USP26: variants seen among roughly 807,000 people sequenced by gnomAD.
USP26 encodes the protein ubiquitin specific peptidase 26.
For missense variants in USP26, 649 were observed against 642.3 expected, an observed-to-expected ratio of 1.01 and a Z score of -0.11; for synonymous variants, 236 against 240.6, an observed-to-expected ratio of 0.98 and a Z score of 0.18.
At chrX:133,088,742 T>C (rs1569511155) in intron 4 of USP26, among the ~76,000 whole-genome samples, 1 of 112,062 alleles carries the variant, frequency 8.9e-6, no homozygotes, top group Non-Finnish European at 1.9e-5. Context: ...TAAATGCCAA[T>C]ACTTAGAGAA....
At chrX:133,095,640 G>A (rs908048946) in intron 1 of USP26, among the ~76,000 whole-genome samples, 5 of 111,750 alleles carry the variant, frequency 4.5e-5, no homozygotes, top group African/African-American at 1.3e-4. Context: ...TCGCTCTGTC[G>A]CCTAGGCTGC....
chrX:133,087,431 G>T (rs1205769342), intron 4 of USP26, among the ~76,000 whole-genome samples: 1 of 112,291 alleles, frequency 8.9e-6, no homozygotes, highest in African/African-American at 3.2e-5. Context: ...GTAAGAGCTG[G>T]CTCATATGAG....
intron 5 of USP26, among the ~76,000 whole-genome samples, chrX:133,063,360 A>G (rs2067500130): frequency 9.0e-6 from 1 of 111,433 alleles, no homozygotes; most frequent in African/African-American, 3.3e-5. Context: ...CAACGTTCAA[A>G]TTCAGGAAAT....
intron 1 of USP26, among the ~76,000 whole-genome samples, chrX:133,094,662 A>C (rs1355647922): frequency 8.9e-6 from 1 of 111,957 alleles, no homozygotes; most frequent in East Asian, 2.8e-4. Flanking sequence ...GAATACATTG[A>C]ACCTCAACAC....
At chrX:133,046,109 C>A (rs1043330854) in intron 5 of USP26, among the ~76,000 whole-genome samples, 1 of 111,645 alleles carries the variant, frequency 9.0e-6, no homozygotes, top group Non-Finnish European at 1.9e-5. Context: ...AAAAGCCTTG[C>A]AGAGATACTA....
intron 5 of USP26, among the ~76,000 whole-genome samples, chrX:133,035,551 A>G (rs1423224994): frequency 2.7e-5 from 3 of 111,960 alleles, no homozygotes; most frequent in Non-Finnish European, 5.6e-5. Flanking sequence ...CTAAATAAAA[A>G]TGTTTTGTCC....
At chrX:133,062,868 A>G (rs2067498180) in intron 5 of USP26, among the ~76,000 whole-genome samples, 1 of 111,605 alleles carries the variant, frequency 9.0e-6, no homozygotes, top group Non-Finnish European at 1.9e-5. Flanking sequence ...AAAACTGGAT[A>G]GAGAAAGAGT....
chrX:133,094,630 T>C (rs1304371909), intron 1 of USP26, among the ~76,000 whole-genome samples: 1 of 111,435 alleles, frequency 9.0e-6, no homozygotes, highest in African/African-American at 3.3e-5. Context: ...AGGAAACGTA[T>C]GCAAAAAACT....
At chrX:133,051,860 A>G (rs1435841513) in intron 5 of USP26, among the ~76,000 whole-genome samples, 1 of 112,471 alleles carries the variant, frequency 8.9e-6, no homozygotes, top group Non-Finnish European at 1.9e-5. Flanking sequence ...ATAGGGAAGA[A>G]GCCTTAAATA....
At chrX:133,066,805 T>G in intron 5 of USP26, among the ~76,000 whole-genome samples, 1 of 111,512 alleles carries the variant, frequency 9.0e-6, no homozygotes, top group Non-Finnish European at 1.9e-5. Flanking sequence ...ACCCAGGACA[T>G]AGGGATGGGC....
rs2067344362 is a variant in USP26 at position 133,025,850 on chromosome X, G to A, written c.2371C>T (p.Leu791=). ...TTTCTTGGATTCTTATTGGAACCCA[G>A]TGCAAGTAGGGAATTCCTGTTAGAC... ...QKSNRNSLLA[L]GSNKNPRNKD... The change falls in exon 6 of 6, where the codon CTG becomes TTG. Residue 791 remains leucine (L), a synonymous_variant. Transcript: ENST00000511190. The A allele has an allele frequency of 8.3e-7, 1 of 1,210,230 alleles. No individual in the cohort carries two copies. Among genetic ancestry groups the A allele is most frequent in the African/African-American group, 1.7e-5 (1 of 57,675 alleles).
intron 5 of USP26, among the ~76,000 whole-genome samples, chrX:133,043,800 C>G (rs1029098340): frequency 1.8e-5 from 2 of 111,723 alleles, no homozygotes; most frequent in African/African-American, 6.5e-5. Flanking sequence ...CCTAGCTACT[C>G]AGGAGGCTGA....
intron 5 of USP26, among the ~76,000 whole-genome samples, chrX:133,066,363 C>T (rs1272858569): frequency 9.0e-6 from 1 of 111,416 alleles, no homozygotes; most frequent in Non-Finnish European, 1.9e-5. Flanking sequence ...CACAGAACTA[C>T]AAAAAACTAC....
chrX:133,057,991 C>CT (rs1366195748), intron 5 of USP26, among the ~76,000 whole-genome samples: 1 of 93,608 alleles, frequency 1.1e-5, no homozygotes, highest in Non-Finnish European at 2.1e-5. Flanking sequence ...TGTTCTCCTG[C>CT]TTCAGCCTCC....
At chrX:133,040,416 T>C (rs112922901) in intron 5 of USP26, among the ~76,000 whole-genome samples, 144 of 111,678 alleles carry the variant, frequency 1.3e-3, no homozygotes, top group Non-Finnish European at 2.5e-3. Context: ...CATTTGCTTG[T>C]CTGGAAAGGA....
At chrX:133,040,331 G>A (rs1372087764) in intron 5 of USP26, among the ~76,000 whole-genome samples, 2 of 111,418 alleles carry the variant, frequency 1.8e-5, no homozygotes, top group East Asian at 2.8e-4. Flanking sequence ...GGCTGGTACC[G>A]GTTTTTCCTT....
chrX:133,096,222 T>C (rs1230370913), intron 1 of USP26, among the ~76,000 whole-genome samples: 2 of 108,632 alleles, frequency 1.8e-5, no homozygotes, highest in Non-Finnish European at 3.8e-5. Flanking sequence ...TTGTAAAACA[T>C]CAACTGCAAT....
chrX:133,075,017 T>A (rs945537898), intron 5 of USP26, among the ~76,000 whole-genome samples: 4 of 111,684 alleles, frequency 3.6e-5, no homozygotes, highest in African/African-American at 9.8e-5. Context: ...AAGATGTAAG[T>A]CTGGTTGCAG....
intron 5 of USP26, among the ~76,000 whole-genome samples, chrX:133,067,643 T>A (rs937129116): frequency 8.9e-5 from 10 of 112,155 alleles, no homozygotes; most frequent in African/African-American, 3.2e-4. Context: ...AAACACCGCA[T>A]GTTCTCACTC....
Sources: gnomAD v4.1 joint callset for allele counts (sites outside exome capture counted in the v4.1 genomes callset) on GRCh38, gnomAD v4.1.1 for gene constraint, MANE v1.5 for transcripts, NCBI Gene and HGNC (gene_info 2026-07-23, HGNC 2026-07-21) for gene names.